The following NRG1 variants were observed in gnomAD, a reference collection of about 807,000 sequenced individuals.
NRG1 encodes the protein neuregulin 1.
NRG1 carries 18 observed loss-of-function variants against 63.8 expected under a neutral mutation model. The observed-to-expected ratio is 0.28, with a 90% confidence interval of 0.19 to 0.42. The LOEUF (loss-of-function observed/expected upper bound fraction) is 0.42, where lower values mean the gene tolerates loss of function less well. Ranked by LOEUF, NRG1 falls within the 10% of genes least tolerant of loss-of-function variation. The pLI is 1.00. For synonymous variants in NRG1, 302 were observed against 301.3 expected, an observed-to-expected ratio of 1.00 and a Z score of -0.02; for missense variants, 762 against 814.7, an observed-to-expected ratio of 0.94 and a Z score of 0.79.
chr8:31,761,749 C>T (rs1385806569), intron 1 of NRG1, among the ~76,000 whole-genome samples: 3 of 151,918 alleles, frequency 2.0e-5, no homozygotes, highest in Admixed American at 1.3e-4. Context: ...ATTACCATAA[C>T]AAATATAATG....
At chr8:32,650,111 C>G (rs1026399560) in intron 5 of NRG1, among the ~76,000 whole-genome samples, 2 of 152,282 alleles carry the variant, frequency 1.3e-5, no homozygotes, top group African/African-American at 2.4e-5. Flanking sequence ...ACACATTTTC[C>G]TGATCTAAGA....
At chr8:31,814,227 C>T (rs1035861086) in intron 1 of NRG1, among the ~76,000 whole-genome samples, 12 of 152,182 alleles carry the variant, frequency 7.9e-5, no homozygotes, top group Non-Finnish European at 1.3e-4. Flanking sequence ...GACGTCCTCA[C>T]TGATGAGTCA....
chr8:32,702,978 G>A (rs954580027), intron 5 of NRG1, among the ~76,000 whole-genome samples: 3 of 152,056 alleles, frequency 2.0e-5, no homozygotes, highest in Non-Finnish European at 2.9e-5. Context: ...TAGCAAATGA[G>A]GGCTAACCTA....
intron 1 of NRG1, among the ~76,000 whole-genome samples, chr8:31,973,336 A>AG (rs895193774): frequency 6.6e-6 from 1 of 152,156 alleles, no homozygotes; most frequent in Non-Finnish European, 1.5e-5. Context: ...ACTCTAGATG[A>AG]AAAGGTTCTA....
intron 1 of NRG1, among the ~76,000 whole-genome samples, chr8:32,411,035 C>CTGTAGTAGAGA (rs1319754592): frequency 6.6e-6 from 1 of 151,998 alleles, no homozygotes; most frequent in African/African-American, 2.4e-5. Context: ...ACCACCATGC[C>CTGTAGTAGAGA]CAGCTAATTT....
At chr8:32,279,148 AGCTGGC>A (rs1178115485) in intron 1 of NRG1, among the ~76,000 whole-genome samples, 9 of 152,178 alleles carry the variant, frequency 5.9e-5, no homozygotes, top group Non-Finnish European at 1.2e-4. Context: ...CCTACCGCAG[AGCTGGC>A]GTTTATGTTG....
rs1316458440 is a variant in NRG1 at position 32,414,633 on chromosome 8, T to G, written c.38-181195T>G. ...TTTTGAAACCAACTAAATCTGGTTT[T>G]GCTCCTGTTTGTGGTACTTTATTTC... On this transcript the variant is annotated intron_variant, in intron 1 of 10. Transcript: ENST00000519301. 2.6e-5 allele frequency among the ~76,000 whole-genome samples: 4 copies of G among 152,198 alleles called. No homozygotes were observed. In the East Asian group the frequency reaches 7.7e-4, roughly 29 times the overall value.
chr8:31,819,851 T>A lies in NRG1; in HGVS notation c.37+180420T>A, dbSNP rs543554932. Among the ~76,000 whole-genome samples, 8 of 152,324 alleles carry A rather than the reference T, an allele frequency of 5.3e-5. 1 individual carries two copies. Among genetic ancestry groups the A allele is most frequent in the African/African-American group, 1.7e-4 (7 of 41,582 alleles). On this transcript the variant is annotated intron_variant, in intron 1 of 10. Coordinates refer to the NRG1 transcript ENST00000519301. ...AAGGGTTTGCAATACAGGATTCTTA[T>A]ATATTAATAAAAACTATAGGTAAAA...
At chr8:32,199,672 A>G (rs769923968) in intron 1 of NRG1, among the ~76,000 whole-genome samples, 3 of 152,332 alleles carry the variant, frequency 2.0e-5, no homozygotes, top group Non-Finnish European at 2.9e-5. Context: ...TGAGAAGTCC[A>G]ATAACATATT....
chr8:32,296,986 G>T (rs1038180807), intron 1 of NRG1, among the ~76,000 whole-genome samples: 1 of 151,894 alleles, frequency 6.6e-6, no homozygotes, highest in South Asian at 2.1e-4. Context: ...GTGGTGGCCC[G>T]CACCTGTAGT....
intron 1 of NRG1, among the ~76,000 whole-genome samples, chr8:31,787,095 C>T (rs1820247107): frequency 6.6e-6 from 1 of 152,166 alleles, no homozygotes; most frequent in Non-Finnish European, 1.5e-5. Flanking sequence ...AGTTTGGAGG[C>T]TCCACTGATT....
chr8:32,397,146 A>G (rs1812537631), intron 1 of NRG1, among the ~76,000 whole-genome samples: 2 of 152,194 alleles, frequency 1.3e-5, no homozygotes, highest in African/African-American at 2.4e-5. Flanking sequence ...GTAGATAGAT[A>G]CATAGATAGA....
chr8:31,813,518 T>TTTCTTTTCTTTTC (rs1435161279), intron 1 of NRG1, among the ~76,000 whole-genome samples: 1 of 115,166 alleles, frequency 8.7e-6, no homozygotes, highest in Admixed American at 8.7e-5. Context: ...TTTCTTTTCT[T>TTTCTTTTCTTTTC]TTTTTTTTTT....
intron 1 of NRG1, among the ~76,000 whole-genome samples, chr8:31,644,000 C>T (rs1047651719): frequency 1.4e-4 from 21 of 152,154 alleles, no homozygotes; most frequent in African/African-American, 5.1e-4. Context: ...ATGTAAACAT[C>T]TTTATCAAAT....
At chr8:32,076,095 C>G (rs1329040658) in intron 1 of NRG1, among the ~76,000 whole-genome samples, 1 of 152,170 alleles carries the variant, frequency 6.6e-6, no homozygotes, top group Middle Eastern at 3.2e-3. Flanking sequence ...TTTATTCTCC[C>G]CTGTTCTTTT....
intron 1 of NRG1, among the ~76,000 whole-genome samples, chr8:32,263,534 A>T (rs1850606871): frequency 6.6e-6 from 1 of 152,102 alleles, no homozygotes; most frequent in Non-Finnish European, 1.5e-5. Context: ...CTGTCTTGCT[A>T]CGTTTGCTTT....
At chr8:32,751,388 C>T (rs540500794) in intron 7 of NRG1, among the ~76,000 whole-genome samples, 4 of 152,120 alleles carry the variant, frequency 2.6e-5, no homozygotes, top group Non-Finnish European at 5.9e-5. Context: ...AGAGACAGAC[C>T]CACCGATCGG....
At chr8:31,887,438 AG>A (rs1830806991) in intron 1 of NRG1, among the ~76,000 whole-genome samples, 1 of 152,058 alleles carries the variant, frequency 6.6e-6, no homozygotes, top group Admixed American at 6.6e-5. Context: ...ACACAGATTT[AG>A]GGGTGGTGTG....
intron 1 of NRG1, among the ~76,000 whole-genome samples, chr8:32,000,694 T>C (rs1812783292): frequency 1.3e-5 from 2 of 152,196 alleles, no homozygotes; most frequent in South Asian, 4.1e-4. Context: ...TTGCTTCCCC[T>C]TTCAGAGGAA....
Sources: allele counts gnomAD v4.1 joint callset (sites outside exome capture counted in the v4.1 genomes callset), GRCh38; gene constraint gnomAD v4.1.1; transcripts MANE v1.5; gene names NCBI Gene and HGNC (gene_info 2026-07-23, HGNC 2026-07-21).